UNC13C: variants seen among roughly 807,000 people sequenced by gnomAD.
UNC13C encodes the protein unc-13 homolog C, also known as protein unc-13 homolog C.
A neutral mutation model predicts 245.4 loss-of-function variants in UNC13C; 174 were observed. The observed-to-expected ratio is 0.71, with a 90% confidence interval of 0.63 to 0.80. The LOEUF is 0.80. Ranked by LOEUF, UNC13C falls within the 30% of genes least tolerant of loss-of-function variation. The pLI is 0.00. For synonymous variants in UNC13C, 992 were observed against 895.1 expected, an observed-to-expected ratio of 1.11 and a Z score of -1.93; for missense variants, 2,829 against 2,602.9, an observed-to-expected ratio of 1.09 and a Z score of -1.89.
chr15:54,274,679 T>A (rs2036782540), intron 10 of UNC13C, among the ~76,000 whole-genome samples: 2 of 142,718 alleles, frequency 1.4e-5, no homozygotes, highest in Admixed American at 7.0e-5. Flanking sequence ...TTTTTTTTTT[T>A]TTTTTTTTTT....
chr15:54,130,012 G>T (rs2031311421), intron 2 of UNC13C, among the ~76,000 whole-genome samples: 1 of 150,026 alleles, frequency 6.7e-6, no homozygotes. Context: ...CCTTTCTTCT[G>T]TTACATTAAA....
chr15:54,407,631 C>T (rs942710648), intron 18 of UNC13C, among the ~76,000 whole-genome samples: 8 of 152,044 alleles, frequency 5.3e-5, no homozygotes, highest in African/African-American at 1.9e-4. Flanking sequence ...AAAATTGAAA[C>T]CAGTGTATCA....
At chr15:54,552,996 C>T (rs1896901026) in intron 28 of UNC13C, among the ~76,000 whole-genome samples, 2 of 96,418 alleles carry the variant, frequency 2.1e-5, no homozygotes, top group African/African-American at 4.2e-5. Context: ...TTCTATATTA[C>T]AATATATAAT....
At chr15:54,556,694 C>G (rs1897104440) in intron 29 of UNC13C, among the ~76,000 whole-genome samples, 1 of 151,658 alleles carries the variant, frequency 6.6e-6, no homozygotes, top group African/African-American at 2.4e-5. Flanking sequence ...GAAGAAATAA[C>G]TAATCTTTGG....
chr15:53,922,321 A>G, the UNC13C span, among the ~76,000 whole-genome samples: 1 of 152,244 alleles, frequency 6.6e-6, no homozygotes, highest in Admixed American at 6.5e-5. Flanking sequence ...TTCCCAGAAG[A>G]TGTTTAATCG....
At chr15:54,528,009 T>C (rs1157679980) in intron 25 of UNC13C, among the ~76,000 whole-genome samples, 2 of 151,934 alleles carry the variant, frequency 1.3e-5, no homozygotes, top group Non-Finnish European at 2.9e-5. Context: ...AGGTCTAAAT[T>C]GGCAGTGTAG....
intron 7 of UNC13C, among the ~76,000 whole-genome samples, chr15:54,249,938 G>A (rs74013554): frequency 0.027 from 4,171 of 152,218 alleles, 181 homozygotes; most frequent in African/African-American, 0.096. Context: ...CAACTAATTA[G>A]ACCTGTGTGC....
the UNC13C span, among the ~76,000 whole-genome samples, chr15:53,898,195 A>C: frequency 0.35 from 45,743 of 131,976 alleles, 7,265 homozygotes; most frequent in Middle Eastern, 0.46. Flanking sequence ...TGACCACCAC[A>C]ACCACCACCA....
chr15:54,250,749 CTT>C (rs1296024773), intron 8 of UNC13C, among the ~76,000 whole-genome samples: 94 of 88,862 alleles, frequency 1.1e-3, no homozygotes, highest in East Asian at 0.01. Flanking sequence ...TTCTTTCTTT[CTT>C]TTTTTTTTTT....
intron 2 of UNC13C, among the ~76,000 whole-genome samples, chr15:54,046,991 C>T (rs1488823252): frequency 6.6e-6 from 1 of 151,992 alleles, no homozygotes; most frequent in Admixed American, 6.6e-5. Context: ...ATATGTAATT[C>T]CATATATACA....
the UNC13C span, among the ~76,000 whole-genome samples, chr15:53,878,526 G>A: frequency 2.6e-5 from 4 of 152,154 alleles, no homozygotes; most frequent in African/African-American, 7.2e-5. Context: ...TTCTCTGCAT[G>A]GCCATAAGGG....
At chr15:54,427,507 T>C (rs1452267930) in intron 19 of UNC13C, among the ~76,000 whole-genome samples, 1 of 151,748 alleles carries the variant, frequency 6.6e-6, no homozygotes, top group Non-Finnish European at 1.5e-5. Flanking sequence ...TAAAACAGTA[T>C]ATTATTTTTC....
chr15:53,947,707 C>T, the UNC13C span: 2 of 152,212 alleles, frequency 1.3e-5, no homozygotes, highest in African/African-American at 4.8e-5. Flanking sequence ...TTGTATCCAT[C>T]AGAGGCTCTC....
chr15:54,415,029 G>A lies in UNC13C; in HGVS notation c.4895G>A (p.Trp1632Ter). The A allele has an allele frequency of 6.2e-7, 1 of 1,612,390 alleles. No homozygotes were observed. ...GGAAAAATAAGTGCCGAAATTATGT[G>A]GACTCTTTTTGCTCTGGATATGAAA... Reference protein sequence around the residue: ...NMGKISAEIMWTLFALDMKYA... With the variant: ...NMGKISAEIM Residue 1632 changes from tryptophan to a stop codon, truncating the protein, a stop_gained, in exon 19 of 33, where the codon TGG (tryptophan) becomes TAG (stop). Coordinates refer to ENST00000260323, the MANE Select transcript of UNC13C (RefSeq NM_001080534.3). LOFTEE classifies it high-confidence loss of function.
upstream of UNC13C, among the ~76,000 whole-genome samples, chr15:53,977,379 CTAT>C (rs1294789208): frequency 1.3e-5 from 2 of 152,130 alleles, no homozygotes; most frequent in African/African-American, 4.8e-5. Flanking sequence ...TTGATGGCAA[CTAT>C]TATTATTGAA....
chr15:54,472,063 G>T (rs1366636479), intron 19 of UNC13C, among the ~76,000 whole-genome samples: 1 of 151,560 alleles, frequency 6.6e-6, no homozygotes, highest in Non-Finnish European at 1.5e-5. Context: ...TACTTTCACT[G>T]GTTTCATGGC....
At chr15:53,980,947 G>C (rs12101828) in intron 1 of UNC13C, among the ~76,000 whole-genome samples, 4,987 of 152,228 alleles carry the variant, frequency 0.033, 301 homozygotes, top group African/African-American at 0.12. Context: ...TGGGTCATTG[G>C]AAACACAGGA....
intron 4 of UNC13C, among the ~76,000 whole-genome samples, chr15:54,192,707 A>G (rs1350999819): frequency 6.6e-6 from 1 of 152,090 alleles, no homozygotes; most frequent in African/African-American, 2.4e-5. Context: ...TCAATTACAG[A>G]GTTCTGTTAG....
chr15:53,890,799 C>T, the UNC13C span, among the ~76,000 whole-genome samples: 1 of 151,476 alleles, frequency 6.6e-6, no homozygotes, highest in African/African-American at 2.4e-5. Context: ...ATTTTTTGAC[C>T]TTTTAAAAAA....
Sources: allele counts gnomAD v4.1 joint callset (sites outside exome capture counted in the v4.1 genomes callset), GRCh38; gene constraint gnomAD v4.1.1; transcripts MANE v1.5; gene names NCBI Gene and HGNC (gene_info 2026-07-23, HGNC 2026-07-21).